Variants in CACNB2 observed in about 807,000 individuals in gnomAD.
CACNB2 encodes the protein voltage-dependent L-type calcium channel subunit beta-2.
CACNB2 carries 42 observed loss-of-function variants against 73.3 expected under a neutral mutation model. The observed-to-expected ratio is 0.57, with a 90% CI of 0.45 to 0.74. The LOEUF is 0.74. CACNB2 is among the 30% of genes least tolerant of loss of function. The probability of loss-of-function intolerance (pLI) is 0.00; values close to 1 mark genes in which losing one functional copy is unlikely to be tolerated. For synonymous variants in CACNB2, 348 were observed against 310.3 expected, an observed-to-expected ratio of 1.12 and a Z score of -1.28; for missense variants, 940 against 853.0, an observed-to-expected ratio of 1.10 and a Z score of -1.27.
intron 3 of CACNB2, among the ~76,000 whole-genome samples, chr10:18,423,305 T>C (rs1444716707): frequency 1.3e-5 from 2 of 152,186 alleles, no homozygotes; most frequent in Non-Finnish European, 2.9e-5. Context: ...ATTAAATAGT[T>C]TGGGGTGGAG....
chr10:18,425,815 G>C (rs183036947), intron 3 of CACNB2, among the ~76,000 whole-genome samples: 1 of 152,066 alleles, frequency 6.6e-6, no homozygotes, highest in Non-Finnish European at 1.5e-5. Flanking sequence ...TTTGTATAAG[G>C]AGTGAGATAG....
At chr10:18,531,047 G>A (rs951680880) in intron 10 of CACNB2, among the ~76,000 whole-genome samples, 2 of 152,104 alleles carry the variant, frequency 1.3e-5, no homozygotes, top group Non-Finnish European at 2.9e-5. Flanking sequence ...AGAGTTTTGT[G>A]TGTAGTAATT....
chr10:18,229,038 G>A (rs547746056), intron 2 of CACNB2, among the ~76,000 whole-genome samples: 40 of 152,240 alleles, frequency 2.6e-4, no homozygotes, highest in African/African-American at 9.4e-4. Context: ...CACCGCATCC[G>A]GCTCTCTTAA....
rs143454645 is a variant in CACNB2 at position 18,481,951 on chromosome 10, G to A, written c.334-16404G>A. ...GGCTGGAGGGCTGGAGTGCAATGGC[G>A]CGATCTCGGCTTACTGCAACCTGTG... On this transcript the variant is annotated intron_variant, in intron 3 of 13. Coordinates refer to ENST00000324631, the MANE Select transcript of CACNB2 (RefSeq NM_201596.3). 2.6e-3 allele frequency among the ~76,000 whole-genome samples: 397 copies of A among 152,178 alleles called. 4 individuals are homozygous for A. Among genetic ancestry groups the A allele is most frequent in the African/African-American group, 9.2e-3 (384 of 41,526 alleles).
chr10:18,335,077 G>A (rs980736980), intron 2 of CACNB2, among the ~76,000 whole-genome samples: 26 of 150,960 alleles, frequency 1.7e-4, no homozygotes, highest in Admixed American at 1.3e-3. Context: ...TCAGACATTC[G>A]TTACCTAAGT....
At chr10:18,432,450 C>CTGTGTGTGTGTGTG (rs57188373) in intron 3 of CACNB2, among the ~76,000 whole-genome samples, 12 of 150,628 alleles carry the variant, frequency 8.0e-5, no homozygotes, top group African/African-American at 2.9e-4. Flanking sequence ...GTGTGTGTCT[C>CTGTGTGTGTGTGTG]TGTGTGTGTG....
intron 2 of CACNB2, among the ~76,000 whole-genome samples, chr10:18,197,153 C>T (rs2034662784): frequency 6.6e-6 from 1 of 152,138 alleles, no homozygotes; most frequent in African/African-American, 2.4e-5. Flanking sequence ...ATACAGAGCT[C>T]TTTGATGGCA....
intron 2 of CACNB2, among the ~76,000 whole-genome samples, chr10:18,341,940 C>A (rs574434426): frequency 6.6e-6 from 1 of 152,122 alleles, no homozygotes; most frequent in African/African-American, 2.4e-5. Flanking sequence ...GCTGAGTTGG[C>A]CCTCATTAAG....
At chr10:18,394,502 T>A (rs1438648688) in intron 2 of CACNB2, among the ~76,000 whole-genome samples, 1 of 152,204 alleles carries the variant, frequency 6.6e-6, no homozygotes, top group African/African-American at 2.4e-5. Context: ...GAAATTTGAC[T>A]GCTAAAGGTT....
intron 2 of CACNB2, among the ~76,000 whole-genome samples, chr10:18,367,988 A>C (rs2042425060): frequency 6.6e-6 from 1 of 152,184 alleles, no homozygotes; most frequent in African/African-American, 2.4e-5. Flanking sequence ...TTCTACTGAA[A>C]ACGAAATTCC....
intron 2 of CACNB2, chr10:18,260,913 G>A (rs915033370): frequency 1.8e-6 from 2 of 1,136,790 alleles, no homozygotes; most frequent in South Asian, 2.6e-5. Context: ...CTGTAAAAGC[G>A]TCACCAAGAA....
chr10:18,432,501 T>A (rs1365842778), intron 3 of CACNB2, among the ~76,000 whole-genome samples: 1 of 151,816 alleles, frequency 6.6e-6, no homozygotes, highest in East Asian at 1.9e-4. Context: ...TATACCTCAA[T>A]ACTACTGTTA....
chr10:18,326,473 G>T (rs1165874052), intron 2 of CACNB2, among the ~76,000 whole-genome samples: 1 of 152,192 alleles, frequency 6.6e-6, no homozygotes, highest in African/African-American at 2.4e-5. Context: ...AATCCAGGGA[G>T]AAGGAGCGGG....
At chr10:18,176,953 T>C (rs760360800) in intron 2 of CACNB2, among the ~76,000 whole-genome samples, 12 of 151,892 alleles carry the variant, frequency 7.9e-5, no homozygotes, top group Non-Finnish European at 1.6e-4. Flanking sequence ...CAGAACTTGT[T>C]AGTGATGGCA....
chr10:18,169,795 A>G (rs1436292982), intron 2 of CACNB2, among the ~76,000 whole-genome samples: 1 of 152,140 alleles, frequency 6.6e-6, no homozygotes, highest in African/African-American at 2.4e-5. Context: ...AAGAGGGAAA[A>G]CAGGGTACAT....
intron 3 of CACNB2, among the ~76,000 whole-genome samples, chr10:18,439,314 C>A (rs1430885035): frequency 6.6e-6 from 1 of 152,192 alleles, no homozygotes; most frequent in East Asian, 1.9e-4. Context: ...CATCTCCATG[C>A]CAACTCACCA....
intron 3 of CACNB2, among the ~76,000 whole-genome samples, chr10:18,417,683 C>T (rs759978322): frequency 6.6e-6 from 1 of 152,026 alleles, no homozygotes; most frequent in Non-Finnish European, 1.5e-5. Context: ...GGAAGACCTT[C>T]CAGGATGTCT....
Position 18,498,308 on chromosome 10 carries a change from G to T in CACNB2, c.334-47G>T, listed in dbSNP as rs371337619. ...GTGTTTGAGGGAAAAAGGAGGGACA[G>T]TGTTGTTTTGCTCTTATTTTTTTCC... On this transcript the variant is annotated intron_variant, in intron 3 of 13. Transcript: ENST00000324631. 1.5e-5 allele frequency: 24 copies of T among 1,611,396 alleles called. No individual in the cohort carries two copies. In the South Asian group the frequency reaches 2.2e-4, roughly 15 times the overall value.
chr10:18,246,429 C>G (rs1260204075), intron 2 of CACNB2, among the ~76,000 whole-genome samples: 1 of 152,066 alleles, frequency 6.6e-6, no homozygotes, highest in Non-Finnish European at 1.5e-5. Context: ...TTTACAATGT[C>G]TTCTCTACTT....
Sources: gnomAD v4.1 joint callset for allele counts (sites outside exome capture counted in the v4.1 genomes callset) on GRCh38, gnomAD v4.1.1 for gene constraint, MANE v1.5 for transcripts, NCBI Gene and HGNC (gene_info 2026-07-23, HGNC 2026-07-21) for gene names.